PPP2R3A: variants seen among roughly 807,000 people sequenced by gnomAD.
The protein encoded by PPP2R3A is serine/threonine-protein phosphatase 2A regulatory subunit B'' subunit alpha.
PPP2R3A carries 80 observed loss-of-function variants against 106.9 expected under a neutral mutation model. That is an observed-to-expected ratio of 0.75 (90% CI 0.62 to 0.90). PPP2R3A has a LOEUF of 0.90. Ranked by LOEUF, PPP2R3A falls within the 40% of genes least tolerant of loss-of-function variation. The pLI is 0.00. For synonymous variants in PPP2R3A, 483 were observed against 468.3 expected (o/e 1.03, Z -0.41); for missense variants, 1,386 against 1,350.4 (o/e 1.03, Z -0.41).
At chr3:136,030,214 T>G (rs61237903) in intron 3 of PPP2R3A, among the ~76,000 whole-genome samples, 104 of 135,970 alleles carry the variant, frequency 7.6e-4, no homozygotes, top group African/African-American at 3.2e-3. Flanking sequence ...TGAGAACCTG[T>G]CTCAATAAAA....
intron 2 of PPP2R3A, among the ~76,000 whole-genome samples, chr3:136,005,104 G>A (rs1039909590): frequency 6.6e-6 from 1 of 152,074 alleles, no homozygotes; most frequent in African/African-American, 2.4e-5. Context: ...TGCCACAAGT[G>A]GAAAATTCTG....
Position 136,001,705 on chromosome 3 carries a change from C to T in PPP2R3A, c.207C>T (p.Asn69=). The T allele has an allele frequency of 6.2e-7, 1 of 1,614,108 alleles. No homozygotes were observed. The highest frequency in any genetic ancestry group is 1.1e-5 in the South Asian group (1 of 91,082). The part of the protein sequence containing the change: ...PVSQFKDADL[N]SMFLPHENGL... The stretch of plus-strand genomic sequence containing the variant: ...CTCAGTTCAAAGATGCAGATCTGAA[C>T]TCTATGTTTCTACCCCATGAAAATG... The change falls in exon 2 of 14, where the codon AAC becomes AAT. Residue 69 remains asparagine (N), a synonymous_variant. Transcript: ENST00000264977.
intron 1 of PPP2R3A, among the ~76,000 whole-genome samples, chr3:135,986,691 A>G (rs1188759149): frequency 2.0e-5 from 3 of 152,140 alleles, no homozygotes; most frequent in Admixed American, 2.0e-4. Flanking sequence ...CACTACCCGC[A>G]GTAGTATCCA....
Position 136,002,089 on chromosome 3 carries a change from G to T in PPP2R3A, c.591G>T (p.Leu197=). 1.2e-6 allele frequency: 2 copies of T among 1,614,088 alleles called. No homozygotes were observed. The highest frequency in any genetic ancestry group is 1.3e-5 in the African/African-American group (1 of 75,048). The change falls in exon 2 of 14, where the codon CTG becomes CTT. Residue 197 remains leucine (L), a synonymous_variant. Transcript: ENST00000264977. The part of the protein sequence containing the change: ...LSHRNSLDTN[L]TSMFLQNFSE... ...ATAGAAACTCACTGGATACGAACCT[G>T]ACTTCCATGTTTCTTCAAAACTTTT...
intron 1 of PPP2R3A, among the ~76,000 whole-genome samples, chr3:135,971,367 A>G (rs1417663391): frequency 6.6e-6 from 1 of 152,160 alleles, no homozygotes; most frequent in Non-Finnish European, 1.5e-5. Context: ...GATGGGTTGT[A>G]ATGCAAATGG....
chr3:135,979,287 A>G (rs7641070), intron 1 of PPP2R3A, among the ~76,000 whole-genome samples: 38,974 of 151,416 alleles, frequency 0.26, 5,643 homozygotes, highest in Non-Finnish European at 0.32. Flanking sequence ...GCTGAGGTAG[A>G]AGAATCACTT....
intron 13 of PPP2R3A, among the ~76,000 whole-genome samples, chr3:136,129,492 C>CAAT (rs1938317280): frequency 6.6e-6 from 1 of 152,074 alleles, no homozygotes; most frequent in African/African-American, 2.4e-5. Context: ...CTGAATAGAC[C>CAAT]AATAACAGGC....
intron 2 of PPP2R3A, among the ~76,000 whole-genome samples, chr3:136,011,288 T>C (rs904275976): frequency 7.2e-5 from 11 of 152,144 alleles, no homozygotes; most frequent in African/African-American, 2.7e-4. Flanking sequence ...TTTTCTCCAC[T>C]GACTCCTACC....
At chr3:136,001,009 A>G in intron 1 of PPP2R3A, 50 bp from the exon 2 acceptor site, 2 of 396,430 alleles carry the variant, frequency 5.0e-6, no homozygotes, top group Non-Finnish European at 8.9e-6. Flanking sequence ...GAGGAAATCA[A>G]AAGTTCCAGC....
chr3:136,047,928 A>G (rs1377931274), intron 4 of PPP2R3A, among the ~76,000 whole-genome samples: 2 of 152,028 alleles, frequency 1.3e-5, no homozygotes, highest in Non-Finnish European at 2.9e-5. Flanking sequence ...AGATGAGAAC[A>G]GTAGACACTG....
intron 1 of PPP2R3A, among the ~76,000 whole-genome samples, chr3:135,991,073 A>G (rs1199418162): frequency 1.3e-5 from 2 of 151,892 alleles, no homozygotes; most frequent in Non-Finnish European, 2.9e-5. Context: ...TCAGCCAACT[A>G]CACTACTCTA....
intron 3 of PPP2R3A, among the ~76,000 whole-genome samples, chr3:136,039,531 G>A (rs1050434143): frequency 6.6e-6 from 1 of 152,120 alleles, no homozygotes; most frequent in African/African-American, 2.4e-5. Context: ...TCAGGCATGC[G>A]TTAGATAGAG....
chr3:136,136,067 AAAAAAATT>A (rs1242600809), intron 13 of PPP2R3A, among the ~76,000 whole-genome samples: 846 of 30,310 alleles, frequency 0.028, 42 homozygotes, highest in South Asian at 0.072. Flanking sequence ...AAAAAAAAAA[AAAAAAATT>A]ATATATATAT....
At chr3:135,976,410 A>G (rs1267951826) in intron 1 of PPP2R3A, among the ~76,000 whole-genome samples, 1 of 152,208 alleles carries the variant, frequency 6.6e-6, no homozygotes, top group Non-Finnish European at 1.5e-5. Context: ...TCTCTTGAGC[A>G]TTTGGCAGAG....
intron 5 of PPP2R3A, among the ~76,000 whole-genome samples, chr3:136,050,678 T>C (rs904726823): frequency 9.2e-5 from 14 of 152,188 alleles, no homozygotes; most frequent in African/African-American, 3.4e-4. Flanking sequence ...CAGGGTCCCT[T>C]TGCTCCTATC....
chr3:136,056,885 A>G (rs987435237), intron 5 of PPP2R3A, among the ~76,000 whole-genome samples: 1 of 152,196 alleles, frequency 6.6e-6, no homozygotes, highest in Non-Finnish European at 1.5e-5. Context: ...CAATAGCAAG[A>G]AAATAACCTT....
At chr3:135,988,448 T>G (rs566990678) in intron 1 of PPP2R3A, among the ~76,000 whole-genome samples, 2 of 152,138 alleles carry the variant, frequency 1.3e-5, no homozygotes, top group South Asian at 2.1e-4. Flanking sequence ...CTCCTTCTGG[T>G]CTCTCTCTTC....
intron 12 of PPP2R3A, among the ~76,000 whole-genome samples, chr3:136,105,965 G>GA (rs964502829): frequency 5.5e-5 from 8 of 146,032 alleles, no homozygotes; most frequent in African/African-American, 1.5e-4. Flanking sequence ...ATCTCAAAAA[G>GA]AAAAAAAAAG....
Position 136,146,984 on chromosome 3 carries a change from ATTTTT to A in PPP2R3A, c.*1825_*1829del, listed in dbSNP as rs543488054. On this transcript the variant is annotated 3_prime_UTR_variant, in exon 14 of 14. Coordinates refer to ENST00000264977, the MANE Select transcript of PPP2R3A (RefSeq NM_002718.5). Reference sequence around the variant, plus strand: ...GTAAAAATTCAATTTTACAATATACATTTTTTTTTTTAACTATTTGGCTTTACCTT... The same window carrying A: ...GTAAAAATTCAATTTTACAATATACATTTTTTAACTATTTGGCTTTACCTT... The A allele has an allele frequency of 4.7e-5, 7 of 148,272 alleles. No homozygotes were observed. Among genetic ancestry groups the A allele is most frequent in the Admixed American group, 4.0e-4 (6 of 14,894 alleles). 9.2% of individuals were successfully genotyped at this position (148,272 alleles called of 1,614,324 possible).
Sources: gnomAD v4.1 joint callset for allele counts (sites outside exome capture counted in the v4.1 genomes callset) on GRCh38, gnomAD v4.1.1 for gene constraint, MANE v1.5 for transcripts, NCBI Gene and HGNC (gene_info 2026-07-23, HGNC 2026-07-21) for gene names.